JAZF1: variants seen among roughly 807,000 people sequenced by gnomAD.
The protein encoded by JAZF1 is juxtaposed with another zinc finger protein 1.
In JAZF1, 8 loss-of-function variants were observed where a neutral mutation model predicts 26.4. The ratio of observed to expected loss-of-function variants is 0.30; its 90% CI spans 0.18 to 0.55. The LOEUF (loss-of-function observed/expected upper bound fraction) is 0.55, where lower values mean the gene tolerates loss of function less well. Among genes scored for constraint, JAZF1 ranks in the 20% least tolerant of loss-of-function variants. JAZF1 has a pLI of 0.94. For synonymous variants in JAZF1, 126 were observed against 122.3 expected (o/e 1.03, Z -0.20); for missense variants, 199 against 322.0 (o/e 0.62, Z 2.92).
At chr7:28,101,409 G>C (rs1784469552) in intron 1 of JAZF1, among the ~76,000 whole-genome samples, 1 of 151,986 alleles carries the variant, frequency 6.6e-6, no homozygotes, top group African/African-American at 2.4e-5. Flanking sequence ...GGGTGCCCAA[G>C]AAGGGCTGAA....
At chr7:28,119,643 A>C (rs1481047332) in intron 1 of JAZF1, among the ~76,000 whole-genome samples, 1 of 152,058 alleles carries the variant, frequency 6.6e-6, no homozygotes, top group East Asian at 1.9e-4. Context: ...GCTGCCATGG[A>C]CCTTTCCTAA....
intron 3 of JAZF1, among the ~76,000 whole-genome samples, chr7:27,869,041 A>G (rs1783533907): frequency 6.6e-6 from 1 of 152,184 alleles, no homozygotes; most frequent in Admixed American, 6.5e-5. Context: ...ATGTATTGCT[A>G]CACTGGAAAT....
At chr7:27,963,076 A>G (rs1039838559) in intron 2 of JAZF1, among the ~76,000 whole-genome samples, 8 of 152,320 alleles carry the variant, frequency 5.3e-5, no homozygotes, top group African/African-American at 1.9e-4. Flanking sequence ...TTCCAAATTC[A>G]GATTGTGCTG....
At chr7:27,938,196 A>G (rs892771435) in intron 2 of JAZF1, among the ~76,000 whole-genome samples, 4 of 152,328 alleles carry the variant, frequency 2.6e-5, no homozygotes, top group African/African-American at 9.6e-5. Context: ...ATGATTATCT[A>G]TTGAAATGAA....
intron 3 of JAZF1, among the ~76,000 whole-genome samples, chr7:27,850,313 C>T (rs773631455): frequency 8.5e-5 from 13 of 152,184 alleles, no homozygotes; most frequent in Non-Finnish European, 1.2e-4. Flanking sequence ...TCTGGGACCA[C>T]GGGCCATGCC....
At chr7:27,884,689 C>A (rs944861625) in intron 3 of JAZF1, among the ~76,000 whole-genome samples, 2 of 152,204 alleles carry the variant, frequency 1.3e-5, no homozygotes, top group African/African-American at 2.4e-5. Context: ...TGTATCAGTA[C>A]TTTCTTTTTA....
chr7:28,090,988 G>A (rs1046850354), intron 1 of JAZF1, among the ~76,000 whole-genome samples: 14 of 150,708 alleles, frequency 9.3e-5, no homozygotes, highest in East Asian at 1.9e-4. Context: ...CACCGCGCCC[G>A]GCTAATTTTT....
chr7:27,977,317 C>T (rs551911722), intron 2 of JAZF1, among the ~76,000 whole-genome samples: 2 of 152,328 alleles, frequency 1.3e-5, no homozygotes, highest in South Asian at 4.1e-4. Context: ...GAATACATCT[C>T]TTAAAAGCCC....
chr7:27,884,983 T>C (rs9655275), intron 3 of JAZF1, among the ~76,000 whole-genome samples: 33,217 of 152,052 alleles, frequency 0.22, 4,077 homozygotes, highest in Middle Eastern at 0.31. Context: ...CCCTCTCCCC[T>C]CAGAGCAGGT....
At chr7:28,006,435 G>A (rs1307762649) in intron 1 of JAZF1, among the ~76,000 whole-genome samples, 1 of 152,136 alleles carries the variant, frequency 6.6e-6, no homozygotes, top group Non-Finnish European at 1.5e-5. Flanking sequence ...TATTATTTTA[G>A]GTAGTAAGGT....
chr7:28,104,827 C>T (rs144797928), intron 1 of JAZF1, among the ~76,000 whole-genome samples: 6 of 152,334 alleles, frequency 3.9e-5, no homozygotes, highest in African/African-American at 1.4e-4. Context: ...AAAGATTAAA[C>T]GTCATCACCG....
intron 1 of JAZF1, among the ~76,000 whole-genome samples, chr7:28,064,796 A>C (rs932186174): frequency 1.3e-5 from 2 of 152,202 alleles, no homozygotes; most frequent in African/African-American, 2.4e-5. Flanking sequence ...AGGTGGAATA[A>C]ACAGGGTACA....
chr7:28,072,035 C>T (rs538552398), intron 1 of JAZF1, among the ~76,000 whole-genome samples: 2 of 152,212 alleles, frequency 1.3e-5, no homozygotes, highest in African/African-American at 4.8e-5. Context: ...CTGAATCAAA[C>T]ACGTCTTCTG....
intron 2 of JAZF1, among the ~76,000 whole-genome samples, chr7:27,932,673 G>A (rs1784703321): frequency 1.3e-5 from 2 of 152,102 alleles, no homozygotes; most frequent in African/African-American, 2.4e-5. Context: ...GAAGTAAACC[G>A]AGACTGAAGA....
chr7:27,842,985 GC>G (rs1027640275), intron 3 of JAZF1: 3 of 152,240 alleles, frequency 2.0e-5, no homozygotes, highest in African/African-American at 7.2e-5. Flanking sequence ...AAAGCGATCA[GC>G]CCGAGGCGTT....
At chr7:27,995,460 G>T (rs976188412) in intron 1 of JAZF1, among the ~76,000 whole-genome samples, 1 of 152,064 alleles carries the variant, frequency 6.6e-6, no homozygotes, top group East Asian at 1.9e-4. Context: ...AGCAGGGCAG[G>T]GTAGGGCCAA....
At chr7:27,981,441 T>C (rs1041055093) in intron 2 of JAZF1, among the ~76,000 whole-genome samples, 3 of 152,196 alleles carry the variant, frequency 2.0e-5, no homozygotes, top group Non-Finnish European at 2.9e-5. Flanking sequence ...ATAAAGAACA[T>C]GTTTAGACCA....
At chr7:28,005,254 C>T (rs1046801455) in intron 1 of JAZF1, among the ~76,000 whole-genome samples, 18 of 152,112 alleles carry the variant, frequency 1.2e-4, no homozygotes, top group Non-Finnish European at 2.1e-4. Context: ...TTGGCCAGAA[C>T]CACTGTGGTT....
At chr7:27,866,122 G>A (rs541250704) in intron 3 of JAZF1, among the ~76,000 whole-genome samples, 17 of 152,324 alleles carry the variant, frequency 1.1e-4, no homozygotes, top group South Asian at 2.1e-4. Flanking sequence ...CAGCACTGCC[G>A]GCACTGAAAG....
Sources: allele counts gnomAD v4.1 joint callset (sites outside exome capture counted in the v4.1 genomes callset), GRCh38; gene constraint gnomAD v4.1.1; transcripts MANE v1.5; gene names NCBI Gene and HGNC (gene_info 2026-07-23, HGNC 2026-07-21).